SPINK4: variants seen among roughly 807,000 people sequenced by gnomAD.
SPINK4 encodes the protein serine peptidase inhibitor Kazal type 4, also known as serine protease inhibitor Kazal-type 4.
In SPINK4, 10 loss-of-function variants were observed where a neutral mutation model predicts 12.3. The observed-to-expected ratio is 0.81, with a 90% CI of 0.50 to 1.37. The LOEUF (loss-of-function observed/expected upper bound fraction) is 1.37, where lower values mean the gene tolerates loss of function less well. Among genes scored for constraint, SPINK4 ranks in the 40% most tolerant of loss-of-function variants. The probability of loss-of-function intolerance (pLI) is 0.00; values close to 1 mark genes in which losing one functional copy is unlikely to be tolerated. For missense variants in SPINK4, 91 were observed against 109.0 expected (o/e 0.84, Z 0.73); for synonymous variants, 37 against 40.2 (o/e 0.92, Z 0.30).
chr9:33,244,489 C>G (rs1820267566), intron 1 of SPINK4, among the ~76,000 whole-genome samples: 1 of 152,164 alleles, frequency 6.6e-6, no homozygotes, highest in African/African-American at 2.4e-5. Context: ...TTCAGATGAT[C>G]CTACAGGCAG....
At chr9:33,244,073 C>T (rs974280146) in intron 1 of SPINK4, among the ~76,000 whole-genome samples, 1 of 152,214 alleles carries the variant, frequency 6.6e-6, no homozygotes, top group Non-Finnish European at 1.5e-5. Context: ...GATAGCCCTT[C>T]AGAGACTTCA....
At chr9:33,241,097 G>C (rs1820230101) in intron 1 of SPINK4, among the ~76,000 whole-genome samples, 1 of 148,746 alleles carries the variant, frequency 6.7e-6, no homozygotes, top group South Asian at 2.1e-4. Context: ...AAGGAGATGA[G>C]GGACTAAGCC....
chr9:33,247,617 G>T (rs1820300019), intron 3 of SPINK4, among the ~76,000 whole-genome samples: 1 of 152,164 alleles, frequency 6.6e-6, no homozygotes, highest in Non-Finnish European at 1.5e-5. Flanking sequence ...TAAGAAGTTG[G>T]ACATGTTGGA....
rs888233821 is a variant in SPINK4, at chr9:33,248,438, G to A, written c.228G>A (p.Gln76=). The A allele has an allele frequency of 1.2e-6, 2 of 1,613,944 alleles. No homozygotes were observed. The highest frequency in any genetic ancestry group is 1.1e-5 in the South Asian group (1 of 91,068). The change falls in exon 4 of 4, where the codon CAG becomes CAA. Residue 76 remains glutamine (Q), a synonymous_variant. Coordinates refer to ENST00000379721, the MANE Select transcript of SPINK4 (RefSeq NM_014471.3). Reference sequence around the variant, plus strand: ...TCTTTGATCCTAGAAAAACCAAACAGGACATCCAGATCATGAAAGATGGCA... The same window carrying A: ...TCTTTGATCCTAGAAAAACCAAACAAGACATCCAGATCATGAAAGATGGCA... ...QLCLARIKTK[Q]DIQIMKDGKC
chr9:33,248,441 C>T lies in SPINK4; in HGVS notation c.231C>T (p.Asp77=). The change falls in exon 4 of 4, where the codon GAC becomes GAT. Residue 77 remains aspartate, a synonymous_variant. Coordinates refer to ENST00000379721, the MANE Select transcript of SPINK4 (RefSeq NM_014471.3). Reference sequence around the variant, plus strand: ...TTGATCCTAGAAAAACCAAACAGGACATCCAGATCATGAAAGATGGCAAAT... The same window carrying T: ...TTGATCCTAGAAAAACCAAACAGGATATCCAGATCATGAAAGATGGCAAAT... ...LCLARIKTKQ[D]IQIMKDGKC The T allele has an allele frequency of 6.2e-7, 1 of 1,614,106 alleles. No individual in the cohort carries two copies. Among genetic ancestry groups the T allele is most frequent in the Non-Finnish European group, 8.5e-7 (1 of 1,180,018 alleles).
At position 33,248,452 on chromosome 9, in the gene SPINK4, T is replaced by C. The variant is rs1034651654; in HGVS notation, c.242T>C (p.Met81Thr). The change falls in exon 4 of 4, where the codon ATG becomes ACG. Residue 81 changes from methionine to threonine, a missense_variant. Transcript: ENST00000379721. ...AAAACCAAACAGGACATCCAGATCATGAAAGATGGCAAATGCTGATCCCAC... is the reference window on the plus strand; with the variant it reads ...AAAACCAAACAGGACATCCAGATCACGAAAGATGGCAAATGCTGATCCCAC... The part of the protein sequence containing the change: ...RIKTKQDIQI[M>T]KDGKC 3 of 1,613,966 alleles carry C rather than the reference T, an allele frequency of 1.9e-6. No individual in the cohort carries two copies. Among genetic ancestry groups the C allele is most frequent in the African/African-American group, 2.7e-5 (2 of 74,904 alleles).
chr9:33,247,019 C>G (rs886566241), intron 3 of SPINK4, among the ~76,000 whole-genome samples: 3 of 152,068 alleles, frequency 2.0e-5, no homozygotes, highest in Non-Finnish European at 4.4e-5. Flanking sequence ...GTCTAGCCAG[C>G]AATTATTTAT....
chr9:33,244,888 G>C (rs1257378350), intron 1 of SPINK4, among the ~76,000 whole-genome samples: 1 of 152,158 alleles, frequency 6.6e-6, no homozygotes, highest in African/African-American at 2.4e-5. Context: ...GAATAGGCTG[G>C]ACTGTCACCT....
At chr9:33,240,400 C>G (rs1294653013) in intron 1 of SPINK4, 131 bp downstream of exon 1, 1 of 739,458 alleles carries the variant, frequency 1.4e-6, no homozygotes, top group African/African-American at 1.9e-5. Context: ...TGCATATGCA[C>G]CCTCCACTGT....
chr9:33,240,381 C>A, intron 1 of SPINK4, 112 bp downstream of exon 1: 7 of 936,502 alleles, frequency 7.5e-6, no homozygotes, highest in Non-Finnish European at 1.1e-5. Context: ...TTTCCATGTA[C>A]CTTCATTCTG....
chr9:33,245,375 A>C (rs1021080587), intron 2 of SPINK4, among the ~76,000 whole-genome samples: 1 of 152,108 alleles, frequency 6.6e-6, no homozygotes, highest in Non-Finnish European at 1.5e-5. Flanking sequence ...CAAAGCCCTT[A>C]TGATGTCCCC....
intron 1 of SPINK4, among the ~76,000 whole-genome samples, chr9:33,242,208 C>T (rs1820244099): frequency 6.6e-6 from 1 of 152,170 alleles, no homozygotes; most frequent in African/African-American, 2.4e-5. Flanking sequence ...GACATTGAAC[C>T]AAGTGCTGCG....
intron 3 of SPINK4, chr9:33,248,142 T>C (rs1432906100): frequency 6.7e-6 from 3 of 447,676 alleles, no homozygotes; most frequent in Non-Finnish European, 1.2e-5. Flanking sequence ...GACAACTGCA[T>C]GAACAGGTAG....
chr9:33,242,461 A>G (rs1820246866), intron 1 of SPINK4, among the ~76,000 whole-genome samples: 1 of 152,122 alleles, frequency 6.6e-6, no homozygotes, highest in Non-Finnish European at 1.5e-5. Flanking sequence ...CATGAGCCAA[A>G]GCAGGGCCCA....
At position 33,247,127 on chromosome 9, in the gene SPINK4, G is replaced by A. The variant is rs140269684; in HGVS notation, c.215+399G>A. ...AACATACAATTGGTGTAAGGGGGAAGCCAGGCTGATAGTCAGCCAATTGCA... is the reference window on the plus strand; with the variant it reads ...AACATACAATTGGTGTAAGGGGGAAACCAGGCTGATAGTCAGCCAATTGCA... On this transcript the variant is annotated intron_variant, in intron 3 of 3. Coordinates refer to ENST00000379721, the MANE Select transcript of SPINK4 (RefSeq NM_014471.3). Among the ~76,000 whole-genome samples, 520 of 151,604 alleles carry A rather than the reference G, an allele frequency of 3.4e-3. 1 individual carries two copies. Among genetic ancestry groups the A allele is most frequent in the African/African-American group, 0.012 (496 of 41,374 alleles).
chr9:33,241,866 T>C (rs1820237966), intron 1 of SPINK4, among the ~76,000 whole-genome samples: 1 of 152,042 alleles, frequency 6.6e-6, no homozygotes, highest in Admixed American at 6.6e-5. Flanking sequence ...CACTTTAATT[T>C]TTTTTTTTAT....
At chr9:33,242,608 C>A (rs935431252) in intron 1 of SPINK4, among the ~76,000 whole-genome samples, 1 of 152,096 alleles carries the variant, frequency 6.6e-6, no homozygotes, top group African/African-American at 2.4e-5. Context: ...CATAGGGAGG[C>A]TTAGTGATCA....
chr9:33,246,205 G>T (rs898223737), intron 2 of SPINK4, among the ~76,000 whole-genome samples: 8 of 151,672 alleles, frequency 5.3e-5, no homozygotes, highest in Admixed American at 5.2e-4. Flanking sequence ...TCCTGGGAAT[G>T]ATGGGTGGTT....
At chr9:33,243,366 A>T (rs1820258106) in intron 1 of SPINK4, among the ~76,000 whole-genome samples, 1 of 152,006 alleles carries the variant, frequency 6.6e-6, no homozygotes, top group Non-Finnish European at 1.5e-5. Flanking sequence ...TGCTACTGCA[A>T]CCTGCCCTCA....
Sources: gnomAD v4.1 joint callset for allele counts (sites outside exome capture counted in the v4.1 genomes callset) on GRCh38, gnomAD v4.1.1 for gene constraint, MANE v1.5 for transcripts, NCBI Gene and HGNC (gene_info 2026-07-23, HGNC 2026-07-21) for gene names.